Variants in FAM153A observed in about 807,000 individuals in gnomAD.
FAM153A encodes protein FAM153A.
FAM153A carries 12 observed loss-of-function variants against 48.1 expected under a neutral mutation model. The observed-to-expected ratio is 0.25, with a 90% confidence interval of 0.16 to 0.40. FAM153A has a LOEUF of 0.40. Ranked by LOEUF, FAM153A falls within the 10% of genes least tolerant of loss-of-function variation. FAM153A has a pLI of 1.00. For synonymous variants in FAM153A, 36 were observed against 118.2 expected (o/e 0.30, Z 4.51); for missense variants, 111 against 345.8 (o/e 0.32, Z 5.38).
chr5:177,709,254 A>C (rs1420859162), downstream of FAM153A, among the ~76,000 whole-genome samples: 1 of 130,728 alleles, frequency 7.6e-6, no homozygotes, highest in African/African-American at 2.8e-5. Flanking sequence ...GACAAAAAGG[A>C]ATCTTTTTTT....
chr5:177,758,738 T>C lies in FAM153A; in HGVS notation c.-56-10039A>G, dbSNP rs541701294. ...CAAGAAATGGGGAAAGGATTCCCTA[T>C]ATAATAAATGGTGCTGGGAAAACTG... On this transcript the variant is annotated intron_variant, in intron 1 of 8. Coordinates refer to the FAM153A transcript ENST00000393518. Among the ~76,000 whole-genome samples, 62 of 149,612 alleles carry C rather than the reference T, an allele frequency of 4.1e-4. 1 individual carries two copies. In the Middle Eastern group the frequency reaches 0.01, roughly 25 times the overall value.
At chr5:177,704,742 T>C (rs1311268346), downstream of FAM153A, among the ~76,000 whole-genome samples, 1 of 151,762 alleles carries the variant, frequency 6.6e-6, no homozygotes. Context: ...CAGCGGCTCA[T>C]GCCTCTGAGC....
chr5:177,757,689 A>T (rs1225453475), upstream of FAM153A, among the ~76,000 whole-genome samples: 21 of 151,532 alleles, frequency 1.4e-4, no homozygotes, highest in African/African-American at 4.6e-4. Flanking sequence ...AAATCAATAA[A>T]CGTAATCCAG....
downstream of FAM153A, among the ~76,000 whole-genome samples, chr5:177,717,470 G>A (rs1760097671): frequency 6.6e-6 from 1 of 151,090 alleles, no homozygotes; most frequent in South Asian, 2.1e-4. Context: ...TTTCCAAGAG[G>A]CTTCGGCAAT....
Position 177,734,411 on chromosome 5 carries a change from C to T in FAM153A, c.736-7G>A, listed in dbSNP as rs202057389. The stretch of plus-strand genomic sequence containing the variant: ...GTGGAACTCCCAAGGATGTCTGTAA[C>T]GACAGAAAATAAATTGCTATGAGCA... On this transcript the variant is annotated splice_region_variant and splice_polypyrimidine_tract_variant and intron_variant, in intron 13 of 20. Transcript: ENST00000614127. The T allele has an allele frequency of 2.9e-5, 35 of 1,200,472 alleles. No individual in the cohort carries two copies. Among genetic ancestry groups the T allele is most frequent in the African/African-American group, 2.0e-4 (11 of 54,424 alleles). 74.4% of individuals were successfully genotyped at this position (1,200,472 alleles called of 1,614,324 possible).
Position 177,741,245 on chromosome 5 carries a change from A to G in FAM153A, c.441+11T>C, listed in dbSNP as rs1472511833. On this transcript the variant is annotated intron_variant, in intron 7 of 20. Coordinates refer to ENST00000614127, the Ensembl canonical transcript of FAM153A. ...AAAATTCCCACCTCAGATAAACAAAAAAGACTTTACCTTCACAGAGCCTGG... is the reference window on the plus strand; with the variant it reads ...AAAATTCCCACCTCAGATAAACAAAGAAGACTTTACCTTCACAGAGCCTGG... The G allele has an allele frequency of 8.5e-6, 4 of 472,024 alleles. No individual in the cohort carries two copies. Among genetic ancestry groups the G allele is most frequent in the Non-Finnish European group, 1.3e-5 (4 of 310,414 alleles). 29.2% of individuals were successfully genotyped at this position (472,024 alleles called of 1,614,324 possible).
At chr5:177,721,883 A>G (rs1410354795), downstream of FAM153A, 1 of 147,994 alleles carries the variant, frequency 6.8e-6, no homozygotes, top group Admixed American at 6.7e-5. Context: ...AAACATAAAA[A>G]TACTCCATAT....
chr5:177,770,830 G>A (rs1164543569), intron 1 of FAM153A, among the ~76,000 whole-genome samples: 1 of 99,200 alleles, frequency 1.0e-5, no homozygotes, highest in African/African-American at 4.0e-5. Context: ...GGGGGAGGCC[G>A]TGCATGTGTG....
the FAM153A span, among the ~76,000 whole-genome samples, chr5:177,697,774 G>A: frequency 6.6e-6 from 1 of 151,794 alleles, no homozygotes; most frequent in Non-Finnish European, 1.5e-5. Context: ...CTTTTGACAA[G>A]ATCTGTTTCT....
In FAM153A at chr5:177,747,521, C is replaced by T. The variant is rs1766204379; in HGVS notation, c.259+248G>A. 3.9e-6 allele frequency: 2 copies of T among 516,034 alleles called. 1 individual carries two copies. The highest frequency in any genetic ancestry group is 4.4e-5 in the South Asian group (2 of 45,730). 32.0% of individuals were successfully genotyped at this position (516,034 alleles called of 1,614,324 possible). On this transcript the variant is annotated intron_variant, in intron 4 of 20. Coordinates refer to ENST00000614127, the Ensembl canonical transcript of FAM153A. ...AATCATTCCACATTGAGTCATTCCTCCATACCTCCCAACTCTGATTCACAA... is the reference window on the plus strand; with the variant it reads ...AATCATTCCACATTGAGTCATTCCTTCATACCTCCCAACTCTGATTCACAA...
At chr5:177,696,498 C>T in the FAM153A span, among the ~76,000 whole-genome samples, 7 of 151,816 alleles carry the variant, frequency 4.6e-5, no homozygotes, top group African/African-American at 1.7e-4. Flanking sequence ...TATCTTTTTG[C>T]ATGTGAATAT....
rs997050164 is a variant in FAM153A at position 177,751,515 on chromosome 5, G to T, written c.32-463C>A. Reference sequence around the variant, plus strand: ...TCTGGAAGAATAAGCCAGGCCCTTGGTAGTGGTTAATAGAGAAGCCACTTG... The same window carrying T: ...TCTGGAAGAATAAGCCAGGCCCTTGTTAGTGGTTAATAGAGAAGCCACTTG... On this transcript the variant is annotated intron_variant, in intron 1 of 20. Transcript: ENST00000614127. Among the ~76,000 whole-genome samples, 2 of 115,580 alleles carry T rather than the reference G, an allele frequency of 1.7e-5. 1 individual carries two copies. The highest frequency in any genetic ancestry group is 6.7e-5 in the African/African-American group (2 of 29,644). 75.8% of individuals were successfully genotyped at this position (115,580 alleles called of 152,430 possible). A position where few individuals can be genotyped will look rare whatever the true frequency, so the allele number is the denominator to read the frequency against.
chr5:177,760,234 C>CTTTTTTTTTTT (rs1337707844), intron 1 of FAM153A, among the ~76,000 whole-genome samples: 2 of 96,876 alleles, frequency 2.1e-5, no homozygotes, highest in African/African-American at 4.2e-5. Context: ...TTGGGAAAGA[C>CTTTTTTTTTTT]CTTTTTTTTT....
intron 1 of FAM153A, among the ~76,000 whole-genome samples, 163 bp from the exon 4 acceptor site, chr5:177,763,673 C>A (rs1224976556): frequency 1.0e-3 from 154 of 150,408 alleles, no homozygotes; most frequent in African/African-American, 3.6e-3. Flanking sequence ...TTCATACAAA[C>A]AAGGAAGGCT....
In FAM153A at chr5:177,738,259, C is replaced by T. The variant is rs528745139; in HGVS notation, c.562+854G>A. Among the ~76,000 whole-genome samples, 30 of 151,404 alleles carry T rather than the reference C, an allele frequency of 2.0e-4. 1 individual carries two copies. The highest frequency in any genetic ancestry group is 6.6e-4 in the African/African-American group (27 of 40,716). ...TATGTAAGGCTTGTGGAGTTTATGC[C>T]GTTAAATACAATATAACACGCCTGA... On this transcript the variant is annotated intron_variant, in intron 10 of 20. Coordinates refer to ENST00000614127, the Ensembl canonical transcript of FAM153A.
rs769201834 is a variant in FAM153A at position 177,724,308 on chromosome 5, C to G, written c.1057G>C (p.Val353Leu). The change falls in exon 20 of 21, where the codon GTG (valine) becomes CTG (leucine). Residue 353 changes from valine to leucine, a missense_variant. Val to Leu is a conservative substitution (Grantham distance 32). Transcript: ENST00000614127. ...CTGCACACTCACACTTCCTCTTCCA[C>G]TTTGGTCTTTTCTGTTGCTTCTTCT... 5 of 1,577,058 alleles carry G rather than the reference C, an allele frequency of 3.2e-6. No homozygotes were observed. The South Asian group carries it at 5.6e-5, about 18-fold the overall frequency.
the FAM153A span, among the ~76,000 whole-genome samples, chr5:177,697,592 C>A: frequency 2.6e-5 from 4 of 151,828 alleles, no homozygotes; most frequent in African/African-American, 9.7e-5. Flanking sequence ...CTGGAGGAGT[C>A]AGTGGTTGTC....
At chr5:177,755,712 A>T (rs1261356047), upstream of FAM153A, among the ~76,000 whole-genome samples, 181 of 151,638 alleles carry the variant, frequency 1.2e-3, 4 homozygotes, top group African/African-American at 3.8e-3. Context: ...TTTTCAACCC[A>T]GAATTTCATA....
chr5:177,703,140 C>A (rs551915680), downstream of FAM153A, among the ~76,000 whole-genome samples: 333 of 152,298 alleles, frequency 2.2e-3, 2 homozygotes, highest in South Asian at 0.067. Context: ...TACTCAAAAC[C>A]AGCCCTTGAG....
Sources: allele counts gnomAD v4.1 joint callset (sites outside exome capture counted in the v4.1 genomes callset), GRCh38; gene constraint gnomAD v4.1.1; transcripts MANE v1.5; gene names NCBI Gene and HGNC (gene_info 2026-07-23, HGNC 2026-07-21).